ADGRD1: variants seen among roughly 807,000 people sequenced by gnomAD.
ADGRD1 encodes G-protein coupled receptor 133.
Under a neutral mutation model 113.4 loss-of-function variants are expected in ADGRD1, and 77 were observed. That is an observed-to-expected ratio of 0.68 (90% confidence interval 0.57 to 0.82). The LOEUF (loss-of-function observed/expected upper bound fraction) is 0.82. ADGRD1 is among the 40% of genes least tolerant of loss of function. The probability of loss-of-function intolerance (pLI) is 0.00; values close to 1 mark genes in which losing one functional copy is unlikely to be tolerated. For missense variants in ADGRD1, 1,036 were observed against 1,139.1 expected (o/e 0.91, Z 1.30); for synonymous variants, 474 against 475.0 (o/e 1.00, Z 0.03).
chr12:131,073,643 A>G (rs1171143151), intron 13 of ADGRD1, among the ~76,000 whole-genome samples: 1 of 152,244 alleles, frequency 6.6e-6, no homozygotes, highest in Non-Finnish European at 1.5e-5. Flanking sequence ...TGGGTAATTT[A>G]TAAAGGAAAG....
At chr12:131,135,456 G>GAGCATGAA (rs1413785493) in intron 21 of ADGRD1, among the ~76,000 whole-genome samples, 3 of 152,186 alleles carry the variant, frequency 2.0e-5, no homozygotes. Context: ...TTGAGCATGA[G>GAGCATGAA]CAGGGCCATG....
At chr12:131,107,178 G>T (rs1453834203) in intron 17 of ADGRD1, among the ~76,000 whole-genome samples, 1 of 151,602 alleles carries the variant, frequency 6.6e-6, no homozygotes, top group Non-Finnish European at 1.5e-5. Flanking sequence ...CTTTCCCAGA[G>T]ACCTGTGTCT....
chr12:131,132,108 G>C (rs753669528), intron 21 of ADGRD1, among the ~76,000 whole-genome samples: 6 of 152,172 alleles, frequency 3.9e-5, no homozygotes, highest in Non-Finnish European at 8.8e-5. Flanking sequence ...CTGGGGGGCG[G>C]CAACGGGGAA....
At chr12:131,010,438 C>T (rs1877728171) in intron 12 of ADGRD1, among the ~76,000 whole-genome samples, 1 of 152,218 alleles carries the variant, frequency 6.6e-6, no homozygotes, top group South Asian at 2.1e-4. Context: ...GATAATTCTC[C>T]AAATAACCGA....
At chr12:131,002,378 T>C (rs4759823) in intron 9 of ADGRD1, 91,924 of 288,340 alleles carry the variant, frequency 0.32, 14,931 homozygotes, top group African/African-American at 0.34. Context: ...AATCAGGCTA[T>C]GGGCCTAAAA....
chr12:131,128,663 G>A (rs896486798), intron 20 of ADGRD1, among the ~76,000 whole-genome samples: 4 of 152,148 alleles, frequency 2.6e-5, no homozygotes, highest in East Asian at 1.9e-4. Context: ...CAGGCAACCC[G>A]TGATGCTGGT....
At chr12:131,102,728 G>A (rs894987164) in intron 15 of ADGRD1, among the ~76,000 whole-genome samples, 1 of 152,180 alleles carries the variant, frequency 6.6e-6, no homozygotes, top group Non-Finnish European at 1.5e-5. Context: ...GAAGCCCACG[G>A]GCATGGCTGT....
rs1236502931 is a variant in ADGRD1, at chr12:131,074,102, TAGA to T, written c.1474-2696_1474-2694del. 2.0e-5 allele frequency among the ~76,000 whole-genome samples: 3 copies of T among 152,216 alleles called. No homozygotes were observed. The East Asian group carries it at 5.8e-4, about 29-fold the overall frequency. ...TTTTCTTCTCTCTGCATGTATCTCC[TAGA>T]AGGAGACACTTTGGTGTACCTTGCT... On this transcript the variant is annotated intron_variant, in intron 13 of 24. Coordinates refer to ENST00000261654, the MANE Select transcript of ADGRD1 (RefSeq NM_198827.5).
chr12:131,137,506 G>A (rs1951120797), intron 23 of ADGRD1: 1 of 202,788 alleles, frequency 4.9e-6, no homozygotes, highest in African/African-American at 2.3e-5. Flanking sequence ...GTTCCTGTGG[G>A]AGAACTTTTC....
chr12:131,022,531 G>A lies in ADGRD1; in HGVS notation c.1473+8191G>A, dbSNP rs545932511. Among the ~76,000 whole-genome samples the A allele has an allele frequency of 6.6e-6, 1 of 152,150 alleles. No individual in the cohort carries two copies. Among genetic ancestry groups the A allele is most frequent in the Admixed American group, 6.5e-5 (1 of 15,272 alleles). The stretch of plus-strand genomic sequence containing the variant: ...AGTTGCTGGTGTTGCTATGACTCAG[G>A]GGTACTATTTCATCCCACAGGGCGC... On this transcript the variant is annotated intron_variant, in intron 13 of 24. Coordinates refer to ENST00000261654, the MANE Select transcript of ADGRD1 (RefSeq NM_198827.5). This position sits in a 1 kb window ranked among gnomAD's most constrained non-coding sequence, Gnocchi z 4.6.
At chr12:130,991,229 C>A in intron 7 of ADGRD1, 151 bp downstream of exon 7, 1 of 607,256 alleles carries the variant, frequency 1.6e-6, no homozygotes. Flanking sequence ...GGGAAGCCAA[C>A]TGCAGTACTA....
At chr12:131,020,172 CGCGAGCT>C (rs1879149210) in intron 13 of ADGRD1, among the ~76,000 whole-genome samples, 3 of 122,476 alleles carry the variant, frequency 2.4e-5, no homozygotes, top group Non-Finnish European at 3.6e-5. Flanking sequence ...GGGGCAGGAC[CGCGAGCT>C]CCATCCAGGG....
At chr12:131,030,406 T>C (rs116629784) in intron 13 of ADGRD1, among the ~76,000 whole-genome samples, 2 of 151,402 alleles carry the variant, frequency 1.3e-5, no homozygotes, top group Non-Finnish European at 2.9e-5. Context: ...GCAGTGGCTC[T>C]ATCTCCGAGA....
At chr12:131,119,353 G>C (rs1950538253) in intron 19 of ADGRD1, among the ~76,000 whole-genome samples, 1 of 152,232 alleles carries the variant, frequency 6.6e-6, no homozygotes, top group Non-Finnish European at 1.5e-5. Context: ...AGTGAAACAA[G>C]CATGGTTACG....
At chr12:130,997,674 C>T (rs1162747465) in intron 8 of ADGRD1, among the ~76,000 whole-genome samples, 2 of 151,872 alleles carry the variant, frequency 1.3e-5, no homozygotes, top group Non-Finnish European at 2.9e-5. Context: ...CTCCTCATTT[C>T]CTAGACGGGA....
chr12:130,999,683 T>C (rs1230673606), intron 8 of ADGRD1, among the ~76,000 whole-genome samples: 3 of 151,998 alleles, frequency 2.0e-5, no homozygotes, highest in Non-Finnish European at 4.4e-5. Context: ...TATGAGGCAG[T>C]GGGGATGGCG....
At chr12:131,099,267 G>A (rs1340180150) in intron 15 of ADGRD1, among the ~76,000 whole-genome samples, 1 of 152,040 alleles carries the variant, frequency 6.6e-6, no homozygotes, top group South Asian at 2.1e-4. Context: ...CCCTCCTAAC[G>A]CCCACTCAGT....
At position 131,138,491 on chromosome 12, in the gene ADGRD1, T is replaced by C. The variant is rs183241008; in HGVS notation, c.2529+262T>C. On this transcript the variant is annotated intron_variant, in intron 24 of 24. Coordinates refer to ENST00000261654, the MANE Select transcript of ADGRD1 (RefSeq NM_198827.5). The stretch of plus-strand genomic sequence containing the variant: ...GTGTTCACTTAGGGATGGAAGGACT[T>C]AGAGATCAACTGACCGTGAGGTGGC... Among the ~76,000 whole-genome samples the C allele has an allele frequency of 5.8e-4, 89 of 152,238 alleles. 1 individual carries two copies. Among genetic ancestry groups the C allele is most frequent in the Non-Finnish European group, 1.8e-4 (12 of 68,016 alleles).
chr12:130,961,828 TA>T (rs959629335), intron 2 of ADGRD1, among the ~76,000 whole-genome samples: 7 of 151,900 alleles, frequency 4.6e-5, no homozygotes, highest in South Asian at 2.1e-4. Flanking sequence ...GATTTTGCTT[TA>T]AAAAAAAATC....
Sources: allele counts gnomAD v4.1 joint callset (sites outside exome capture counted in the v4.1 genomes callset), GRCh38; gene constraint gnomAD v4.1.1; non-coding constraint Gnocchi (gnomAD v3.1); transcripts MANE v1.5; gene names NCBI Gene and HGNC (gene_info 2026-07-23, HGNC 2026-07-21).